LARGE1: variants seen among roughly 807,000 people sequenced by gnomAD.
LARGE1 encodes the protein LARGE xylosyl- and glucuronyltransferase 1.
In LARGE1, 43 loss-of-function variants were observed where a neutral mutation model predicts 87.6. The ratio of observed to expected loss-of-function variants is 0.49; its 90% confidence interval spans 0.38 to 0.63. The LOEUF (loss-of-function observed/expected upper bound fraction) is 0.63. Ranked by LOEUF, LARGE1 falls within the 30% of genes least tolerant of loss-of-function variation. The pLI, the probability that LARGE1 is intolerant of heterozygous loss-of-function variation, is 0.00. For missense variants in LARGE1, 802 were observed against 1,000.2 expected (o/e 0.80, Z 2.67); for synonymous variants, 434 against 394.6 (o/e 1.10, Z -1.18).
At chr22:33,676,372 CAAAAAAAAAAAAAAAAAA>C (rs10567981) in intron 2 of LARGE1, among the ~76,000 whole-genome samples, 18 of 16,308 alleles carry the variant, frequency 1.1e-3, no homozygotes, top group Middle Eastern at 0.056. Flanking sequence ...GATTCAATGG[CAAAAAAAAAAAAAAAAAA>C]AAAAAAAAAA....
At chr22:33,229,178 T>C (rs576678616) in intron 11 of LARGE1, among the ~76,000 whole-genome samples, 3 of 152,178 alleles carry the variant, frequency 2.0e-5, no homozygotes, top group Non-Finnish European at 4.4e-5. Flanking sequence ...AAGGATCTTA[T>C]CAGCTACAAA....
In LARGE1 at chr22:33,312,435, T is replaced by A. The variant is rs561098955; in HGVS notation, c.1451+3650A>T. ...GGCCTGGCGACACCGCAAGACTCTGTCTCAAAAAAAAAAAAAAAAAAAAAA... is the reference window on the plus strand; with the variant it reads ...GGCCTGGCGACACCGCAAGACTCTGACTCAAAAAAAAAAAAAAAAAAAAAA... On this transcript the variant is annotated intron_variant, in intron 11 of 14. Transcript: ENST00000397394. Among the ~76,000 whole-genome samples the A allele has an allele frequency of 2.9e-3, 366 of 124,564 alleles. 1 individual carries two copies. Among genetic ancestry groups the A allele is most frequent in the Non-Finnish European group, 3.7e-3 (233 of 63,032 alleles). 81.7% of individuals were successfully genotyped at this position (124,564 alleles called of 152,430 possible).
At chr22:33,557,474 A>G (rs1034064696) in intron 6 of LARGE1, among the ~76,000 whole-genome samples, 5 of 152,240 alleles carry the variant, frequency 3.3e-5, no homozygotes, top group African/African-American at 4.8e-5. Flanking sequence ...TGGAAAATCA[A>G]CTAGGAGCTA....
the LARGE1 span, among the ~76,000 whole-genome samples, chr22:33,089,366 CTTCTCCTT>C: frequency 1.6e-5 from 1 of 63,424 alleles, no homozygotes; most frequent in South Asian, 6.9e-4. Context: ...TCTTCTTCTT[CTTCTCCTT>C]CTTCTTCTTC....
At chr22:33,845,875 A>G (rs1057278685) in intron 1 of LARGE1, among the ~76,000 whole-genome samples, 2 of 152,142 alleles carry the variant, frequency 1.3e-5, no homozygotes, top group African/African-American at 2.4e-5. Context: ...CTTGGTCCTG[A>G]GGGTTTCAAA....
chr22:33,416,432 C>T (rs1190549557), intron 7 of LARGE1, among the ~76,000 whole-genome samples: 1 of 152,156 alleles, frequency 6.6e-6, no homozygotes, highest in East Asian at 1.9e-4. Flanking sequence ...CAGGCCTCCA[C>T]TCTAGCTCTC....
intron 3 of LARGE1, among the ~76,000 whole-genome samples, chr22:33,629,321 C>T (rs2080029882): frequency 6.6e-6 from 1 of 152,150 alleles, no homozygotes; most frequent in South Asian, 2.1e-4. Flanking sequence ...AAACATACAG[C>T]CTCAGAGATA....
At position 33,436,942 on chromosome 22, in the gene LARGE1, G is replaced by A. The variant is rs138902920; in HGVS notation, c.788-4677C>T. 2.7e-3 allele frequency among the ~76,000 whole-genome samples: 404 copies of A among 150,822 alleles called. 1 individual carries two copies. The highest frequency in any genetic ancestry group is 8.8e-3 in the African/African-American group (361 of 41,126). On this transcript the variant is annotated intron_variant, in intron 6 of 14. Coordinates refer to ENST00000397394, the MANE Select transcript of LARGE1 (RefSeq NM_133642.5). ...GAGTCCTCCAATTTCACCTTTATCA[G>A]TAAAATAAGGTGACATCTGGCTCTC...
At chr22:33,530,216 C>A (rs927090311) in intron 6 of LARGE1, among the ~76,000 whole-genome samples, 5 of 152,116 alleles carry the variant, frequency 3.3e-5, no homozygotes, top group Non-Finnish European at 5.9e-5. Context: ...AGCCATCTTG[C>A]AACTATGAAG....
chr22:33,881,042 A>G (rs2064665482), intron 1 of LARGE1, among the ~76,000 whole-genome samples: 1 of 150,566 alleles, frequency 6.6e-6, no homozygotes, highest in Non-Finnish European at 1.5e-5. Context: ...TCTACTTAAT[A>G]AGTAGCTTTT....
intron 1 of LARGE1, among the ~76,000 whole-genome samples, chr22:33,824,829 G>T (rs2062735136): frequency 6.6e-6 from 1 of 152,184 alleles, no homozygotes. Flanking sequence ...ACACGATATG[G>T]CTTCAATAAA....
intron 1 of LARGE1, among the ~76,000 whole-genome samples, chr22:33,871,667 G>A (rs942041616): frequency 4.6e-5 from 7 of 152,102 alleles, no homozygotes; most frequent in Non-Finnish European, 8.8e-5. Flanking sequence ...GCACATAAGC[G>A]TGCACGCACA....
At chr22:33,841,687 C>G (rs1013443155) in intron 1 of LARGE1, among the ~76,000 whole-genome samples, 1 of 152,158 alleles carries the variant, frequency 6.6e-6, no homozygotes, top group Non-Finnish European at 1.5e-5. Flanking sequence ...TCCTATGTCT[C>G]CCCCTGAAGC....
At position 33,478,507 on chromosome 22, in the gene LARGE1, C is replaced by T. The variant is rs1282811029; in HGVS notation, c.788-46242G>A. Among the ~76,000 whole-genome samples, 8 of 152,318 alleles carry T rather than the reference C, an allele frequency of 5.3e-5. No individual in the cohort carries two copies. In the South Asian group the frequency reaches 6.2e-4, roughly 12 times the overall value. Reference sequence around the variant, plus strand: ...GAACTTCAAATAAAGAGCCAAAGGGCGAAACTTCCTCCATGCTGCTTTCCT... The same window carrying T: ...GAACTTCAAATAAAGAGCCAAAGGGTGAAACTTCCTCCATGCTGCTTTCCT... On this transcript the variant is annotated intron_variant, in intron 6 of 14. Transcript: ENST00000397394.
At chr22:33,296,357 G>T (rs1190803622) in intron 12 of LARGE1, among the ~76,000 whole-genome samples, 1 of 152,168 alleles carries the variant, frequency 6.6e-6, no homozygotes, top group Non-Finnish European at 1.5e-5. Context: ...GTGTGACTTT[G>T]TAAGAACTAC....
intron 6 of LARGE1, among the ~76,000 whole-genome samples, chr22:33,465,817 C>T (rs375637080): frequency 5.5e-4 from 84 of 152,316 alleles, no homozygotes; most frequent in African/African-American, 1.8e-3. Flanking sequence ...CAGGAATCTG[C>T]GTCTGCCCAA....
At chr22:33,696,045 T>C (rs2082234704) in intron 2 of LARGE1, among the ~76,000 whole-genome samples, 1 of 152,206 alleles carries the variant, frequency 6.6e-6, no homozygotes, top group Non-Finnish European at 1.5e-5. Flanking sequence ...ATTCAAGTTG[T>C]TTCATGTATT....
At chr22:33,538,542 G>A (rs1236332117) in intron 6 of LARGE1, among the ~76,000 whole-genome samples, 1 of 152,156 alleles carries the variant, frequency 6.6e-6, no homozygotes, top group Non-Finnish European at 1.5e-5. Flanking sequence ...CGAAAATGGA[G>A]CCACATTTTT....
At chr22:33,623,176 C>T (rs184262461) in intron 4 of LARGE1, among the ~76,000 whole-genome samples, 30 of 147,348 alleles carry the variant, frequency 2.0e-4, no homozygotes, top group African/African-American at 5.5e-4. Context: ...AGACCTGATA[C>T]GTCATGGCAA....
Sources: gnomAD v4.1 joint callset for allele counts (sites outside exome capture counted in the v4.1 genomes callset) on GRCh38, gnomAD v4.1.1 for gene constraint, MANE v1.5 for transcripts, NCBI Gene and HGNC (gene_info 2026-07-23, HGNC 2026-07-21) for gene names.